The following KIF21A variants were observed in gnomAD, a reference collection of about 807,000 sequenced individuals.
KIF21A encodes kinesin-like protein KIF21A.
Under a neutral mutation model 202.9 loss-of-function variants are expected in KIF21A, and 114 were observed. That is an observed-to-expected ratio of 0.56 (90% confidence interval 0.48 to 0.66). The LOEUF (loss-of-function observed/expected upper bound fraction) is 0.66, where lower values mean the gene tolerates loss of function less well. Among genes scored for constraint, KIF21A ranks in the 30% least tolerant of loss-of-function variants. KIF21A has a pLI of 0.00. For synonymous variants in KIF21A, 667 were observed against 670.8 expected (o/e 0.99, Z 0.09); for missense variants, 1,677 against 1,994.9 (o/e 0.84, Z 3.04).
chr12:39,384,622 T>C (rs1950826382), intron 1 of KIF21A, among the ~76,000 whole-genome samples: 1 of 152,202 alleles, frequency 6.6e-6, no homozygotes, highest in African/African-American at 2.4e-5. Flanking sequence ...TCTTAATCTC[T>C]ACATTTTTTC....
In KIF21A at chr12:39,442,676, C is replaced by A. The variant is rs888936442; in HGVS notation, c.44+251G>T. Among the ~76,000 whole-genome samples, 17 of 152,296 alleles carry A rather than the reference C, an allele frequency of 1.1e-4. No individual in the cohort carries two copies. The highest frequency in any genetic ancestry group is 4.1e-4 in the African/African-American group (17 of 41,570). Reference sequence around the variant, plus strand: ...GAGAAGTCAAGACGCCCCCCAGGGACCCGGCGCCGCGCAGCCGCCAGCCAC... The same window carrying A: ...GAGAAGTCAAGACGCCCCCCAGGGAACCGGCGCCGCGCAGCCGCCAGCCAC... On this transcript the variant is annotated intron_variant, in intron 1 of 37. Transcript: ENST00000361418. This position sits in a 1 kb window ranked among gnomAD's most constrained non-coding sequence, Gnocchi z 5.0.
chr12:39,332,090 C>A, intron 21 of KIF21A, 124 bp downstream of exon 21: 1 of 889,134 alleles, frequency 1.1e-6, no homozygotes, highest in South Asian at 1.5e-5. Context: ...CATGTAAAAC[C>A]TAAGCATTAG....
chr12:39,373,264 C>T (rs1950073367), intron 1 of KIF21A, among the ~76,000 whole-genome samples: 1 of 152,178 alleles, frequency 6.6e-6, no homozygotes, highest in South Asian at 2.1e-4. Context: ...GTTTCACTAC[C>T]AGCTATGCTC....
intron 21 of KIF21A, chr12:39,331,999 G>C: frequency 1.5e-6 from 1 of 660,808 alleles, no homozygotes; most frequent in East Asian, 2.7e-5. Context: ...GGGATGTAAA[G>C]ATGACCCATG....
intron 3 of KIF21A, among the ~76,000 whole-genome samples, chr12:39,368,618 A>G (rs1051818004): frequency 2.0e-5 from 3 of 152,106 alleles, no homozygotes; most frequent in Non-Finnish European, 2.9e-5. Flanking sequence ...GGAGGGTGAA[A>G]GGGAAGATGG....
At chr12:39,297,668 A>T (rs977356863) in intron 37 of KIF21A, among the ~76,000 whole-genome samples, 3 of 151,454 alleles carry the variant, frequency 2.0e-5, no homozygotes, top group Admixed American at 1.3e-4. Context: ...GCGCACCAGC[A>T]TGGCACATGT....
chr12:39,373,759 C>T (rs1950105803), intron 1 of KIF21A, among the ~76,000 whole-genome samples: 1 of 152,162 alleles, frequency 6.6e-6, no homozygotes, highest in African/African-American at 2.4e-5. Flanking sequence ...ATTTTAGATG[C>T]TAATGTCACT....
rs373490114 is a variant in KIF21A, at chr12:39,332,277, G to A, written c.2988C>T (p.Ile996=). ...NEEMESLTAN[I]DYINDSISDC... Reference sequence around the variant, plus strand: ...CAGAAATACTGTCATTGATGTAATCGATATTAGCAGTCAGTGACTCCATCT... The same window carrying A: ...CAGAAATACTGTCATTGATGTAATCAATATTAGCAGTCAGTGACTCCATCT... Residue 996 remains isoleucine (I), a synonymous_variant, in exon 21 of 38, where the codon ATC becomes ATT. Transcript: ENST00000361418. 23 of 1,613,418 alleles carry A rather than the reference G, an allele frequency of 1.4e-5. No individual in the cohort carries two copies. The highest frequency in any genetic ancestry group is 2.7e-5 in the African/African-American group (2 of 74,808).
chr12:39,301,434 G>GA, intron 37 of KIF21A, 46 bp downstream of exon 37: 1 of 1,424,672 alleles, frequency 7.0e-7, no homozygotes, highest in Non-Finnish European at 9.9e-7. Context: ...TATTAAATCT[G>GA]AACAGAAGCA....
chr12:39,436,422 T>TTTTATATATATATATATATATATATA (rs1424497663), intron 1 of KIF21A, among the ~76,000 whole-genome samples: 119 of 99,072 alleles, frequency 1.2e-3, no homozygotes, highest in African/African-American at 1.5e-3. Flanking sequence ...GTTTACTATA[T>TTTTATATATATATATATATATATATA]TATATATATA....
chr12:39,328,971 T>C (rs150689104), intron 24 of KIF21A, among the ~76,000 whole-genome samples: 26 of 152,344 alleles, frequency 1.7e-4, no homozygotes, highest in South Asian at 8.3e-4. Flanking sequence ...AATCTGTTCA[T>C]AGTCTCTCCT....
Position 39,311,483 on chromosome 12 carries a change from C to T in KIF21A, c.4030G>A (p.Glu1344Lys), listed in dbSNP as rs1256275079. The change falls in exon 32 of 38, where the codon GAA becomes AAA. Residue 1344 changes from glutamate to lysine, a missense_variant. Transcript: ENST00000361418. ...AFPLQCIHIA[E>K]GHTKAVLCVD... The stretch of plus-strand genomic sequence containing the variant: ...CAGAGCACAGCTTTTGTATGCCCTT[C>T]AGCTATGTGAATACACTGAAGTGGA... The T allele has an allele frequency of 1.9e-6, 3 of 1,612,998 alleles. No individual in the cohort carries two copies. The highest frequency in any genetic ancestry group is 1.7e-6 in the Non-Finnish European group (2 of 1,179,212).
chr12:39,345,576 TTAAC>T (rs1262542856), intron 12 of KIF21A, among the ~76,000 whole-genome samples: 1 of 151,812 alleles, frequency 6.6e-6, no homozygotes, highest in Admixed American at 6.6e-5. Context: ...AGATATTCAT[TTAAC>T]TAATTGCATA....
rs185839934 is a variant in KIF21A, at chr12:39,335,812, C to T, written c.2418+1284G>A. 6.6e-4 allele frequency among the ~76,000 whole-genome samples: 100 copies of T among 152,238 alleles called. 2 individuals carry two copies. The Middle Eastern group carries it at 0.017, about 26-fold the overall frequency. On this transcript the variant is annotated intron_variant, in intron 17 of 37. Coordinates refer to ENST00000361418, the MANE Select transcript of KIF21A (RefSeq NM_001173464.2). ...CCAGGAATTAACTGTGACAAATACA[C>T]TGATTATTAAAATACACTGACATTG...
Position 39,330,344 on chromosome 12 carries a change from C to T in KIF21A, c.3320-82G>A, listed in dbSNP as rs1021390911. The T allele has an allele frequency of 7.4e-6, 9 of 1,224,192 alleles. No individual in the cohort carries two copies. The African/African-American group carries it at 1.3e-4, about 18-fold the overall frequency. 75.8% of individuals were successfully genotyped at this position (1,224,192 alleles called of 1,614,324 possible). ...CAATGTTAAAAACTCCCACATAAAACAAGATTATGTACCATTTACATGTAG... is the reference window on the plus strand; with the variant it reads ...CAATGTTAAAAACTCCCACATAAAATAAGATTATGTACCATTTACATGTAG... On this transcript the variant is annotated intron_variant, in intron 23 of 37. Coordinates refer to ENST00000361418, the MANE Select transcript of KIF21A (RefSeq NM_001173464.2).
At chr12:39,397,300 A>C (rs897329074) in intron 1 of KIF21A, among the ~76,000 whole-genome samples, 1 of 152,176 alleles carries the variant, frequency 6.6e-6, no homozygotes, top group Non-Finnish European at 1.5e-5. Context: ...ATGGGAAATA[A>C]TACTAAATTA....
chr12:39,366,228 C>T (rs1949594074), intron 6 of KIF21A, 122 bp downstream of exon 6: 8 of 837,602 alleles, frequency 9.6e-6, no homozygotes, highest in Non-Finnish European at 1.6e-5. Flanking sequence ...AATAACTGTT[C>T]TATAATTTTC....
rs915324742 is a variant in KIF21A, at chr12:39,369,879, T to C, written c.300A>G (p.Thr100=). Residue 100 remains threonine, a synonymous_variant, in exon 3 of 38, where the codon ACA becomes ACG. Transcript: ENST00000361418. ...TGAGKTYTMG[T]GFDVNIVEEE... is the part of the protein sequence containing the mutation. Reference sequence around the variant, plus strand: ...CCTCAACAATGTTAACATCAAATCCTGTTCCCATTGTGTATGTTTTACCAG... The same window carrying C: ...CCTCAACAATGTTAACATCAAATCCCGTTCCCATTGTGTATGTTTTACCAG... The C allele has an allele frequency of 5.6e-6, 9 of 1,613,622 alleles. No individual in the cohort carries two copies. The highest frequency in any genetic ancestry group is 7.6e-6 in the Non-Finnish European group (9 of 1,179,756).
chr12:39,398,577 G>T (rs571431185), intron 1 of KIF21A, among the ~76,000 whole-genome samples: 1 of 152,236 alleles, frequency 6.6e-6, no homozygotes, highest in East Asian at 1.9e-4. Context: ...CCAAGTGAGA[G>T]GATTACAGAA....
Sources: allele counts gnomAD v4.1 joint callset (sites outside exome capture counted in the v4.1 genomes callset), GRCh38; gene constraint gnomAD v4.1.1; non-coding constraint Gnocchi (gnomAD v3.1); transcripts MANE v1.5; gene names NCBI Gene and HGNC (gene_info 2026-07-23, HGNC 2026-07-21).